Variants in NAT10 observed in about 807,000 individuals in gnomAD.
NAT10 encodes N-acetyltransferase 10.
In NAT10, 109 loss-of-function variants were observed where a neutral mutation model predicts 132.2. That is an observed-to-expected ratio of 0.82 (90% CI 0.71 to 0.97). The LOEUF is 0.97. NAT10 is among the 50% of genes least tolerant of loss of function. NAT10 has a pLI of 0.00. For synonymous variants in NAT10, 479 were observed against 478.0 expected, an observed-to-expected ratio of 1.00 and a Z score of -0.03; for missense variants, 1,184 against 1,263.4, an observed-to-expected ratio of 0.94 and a Z score of 0.95.
intron 23 of NAT10, among the ~76,000 whole-genome samples, chr11:34,140,058 G>C (rs1156912641): frequency 6.6e-6 from 1 of 152,236 alleles, no homozygotes; most frequent in Non-Finnish European, 1.5e-5. Context: ...GCTGGGCAGA[G>C]CTTACACACT....
intron 16 of NAT10, among the ~76,000 whole-genome samples, chr11:34,133,346 G>T (rs901428116): frequency 1.3e-5 from 2 of 152,284 alleles, no homozygotes; most frequent in Admixed American, 1.3e-4. Context: ...CACTGTTGAC[G>T]GACGGGGAAA....
intron 11 of NAT10, among the ~76,000 whole-genome samples, chr11:34,127,234 T>C (rs549481119): frequency 8.5e-4 from 129 of 152,160 alleles, no homozygotes; most frequent in Non-Finnish European, 1.6e-3. Context: ...TGGGATTAAG[T>C]GACTTGTCCA....
chr11:34,118,291 T>G lies in NAT10; in HGVS notation c.669T>G (p.Thr223=). The change falls in exon 7 of 29, where the codon ACT becomes ACG. Residue 223 remains threonine (T), a synonymous_variant. Coordinates refer to ENST00000257829, the MANE Select transcript of NAT10 (RefSeq NM_024662.3). ...VATMEALPPQ[T]PDESLGPSDL... is the part of the protein sequence containing the mutation. ...CCATGGAGGCCCTGCCTCCCCAGAC[T>G]CCGGTGAGTCTGTGCTGGGGTCCAG... 6.2e-7 allele frequency: 1 copy of G among 1,613,724 alleles called. No homozygotes were observed. Among genetic ancestry groups the G allele is most frequent in the Non-Finnish European group, 8.5e-7 (1 of 1,179,642 alleles).
chr11:34,131,389 C>G lies in NAT10; in HGVS notation c.1378C>G (p.Leu460Val). 4.3e-6 allele frequency: 7 copies of G among 1,613,706 alleles called. No homozygotes were observed. Among genetic ancestry groups the G allele is most frequent in the Non-Finnish European group, 5.9e-6 (7 of 1,179,770 alleles). The change falls in exon 14 of 29, where the codon CTG becomes GTG. Residue 460 changes from leucine (L) to valine (V), a missense_variant. By Grantham distance (32) the Leu-to-Val change is conservative (BLOSUM62 1). Coordinates refer to ENST00000257829, the MANE Select transcript of NAT10 (RefSeq NM_024662.3). ...GTGATTGTGGGGAGCAGCGCGGACA[C>G]TGTATGAGGTTTCCCTCCAGGAGTC... ...TTARLASART[L>V]YEVSLQESIR...
intron 12 of NAT10, among the ~76,000 whole-genome samples, chr11:34,129,111 G>A (rs992749042): frequency 8.5e-5 from 13 of 152,058 alleles, no homozygotes; most frequent in African/African-American, 2.7e-4. Flanking sequence ...GAACATTAGC[G>A]TGCAGATTTT....
intron 28 of NAT10, among the ~76,000 whole-genome samples, chr11:34,144,673 C>T (rs1283360153): frequency 6.6e-6 from 1 of 152,194 alleles, no homozygotes; most frequent in Admixed American, 6.5e-5. Flanking sequence ...TCACTCCAAG[C>T]TTCTTATCTG....
chr11:34,127,588 C>T lies in NAT10; in HGVS notation c.1233C>T (p.Ser411=), dbSNP rs764947620. The stretch of plus-strand genomic sequence containing the variant: ...GCCCCTACCTTGTTTTCATGGCATC[C>T]ACCATCAATGGGTAAGGTACTGTGG... ...LLGPYLVFMA[S]TINGYEGTGR... The change falls in exon 12 of 29, where the codon TCC becomes TCT. Residue 411 remains serine, a synonymous_variant. Transcript: ENST00000257829. 4 of 1,612,838 alleles carry T rather than the reference C, an allele frequency of 2.5e-6. No homozygotes were observed. Among genetic ancestry groups the T allele is most frequent in the Non-Finnish European group, 3.4e-6 (4 of 1,179,096 alleles).
chr11:34,123,958 T>C (rs1435886959), intron 10 of NAT10, 103 bp downstream of exon 10: 1 of 875,268 alleles, frequency 1.1e-6, no homozygotes, highest in Non-Finnish European at 1.8e-6. Flanking sequence ...TCACCTGAGG[T>C]CGGGAGTTGG....
At chr11:34,106,526 T>C (rs1224961248) in intron 1 of NAT10, among the ~76,000 whole-genome samples, 4 of 152,146 alleles carry the variant, frequency 2.6e-5, no homozygotes, top group Non-Finnish European at 5.9e-5. Context: ...AAGGGCCTTG[T>C]GGTACTACTT....
Position 34,113,778 on chromosome 11 carries a change from G to A in NAT10, c.435G>A (p.Gly145=). Residue 145 remains glycine (G), a synonymous_variant, in exon 5 of 29, where the codon GGG becomes GGA. Transcript: ENST00000257829. ...CTGTAGAAACAGTGGAAGGTGGTGGGCTAGTGGTCATCCTCCTACGGACCA... is the reference window on the plus strand; with the variant it reads ...CTGTAGAAACAGTGGAAGGTGGTGGACTAGTGGTCATCCTCCTACGGACCA... ...ARTVETVEGG[G]LVVILLRTMN... is the part of the protein sequence containing the mutation. 6.2e-7 allele frequency: 1 copy of A among 1,614,122 alleles called. No homozygotes were observed. The highest frequency in any genetic ancestry group is 1.3e-5 in the African/African-American group (1 of 75,024).
rs754208731 is a variant in NAT10, at chr11:34,139,390, C to T, written c.2314C>T (p.Arg772Ter). The change falls in exon 23 of 29, where the codon CGA becomes TGA. Residue 772 changes from arginine (R) to a stop codon, truncating the protein, a stop_gained. Transcript: ENST00000257829. LOFTEE classifies it high-confidence loss of function. ...GWLAAFWKDF[R>*]RRFLALLSYQ... ...TGCGTGATGGCACCCCACAGATTTC[C>T]GACGGCGGTTCCTAGCCTTGCTCTC... The T allele has an allele frequency of 1.1e-5, 18 of 1,614,000 alleles. No individual in the cohort carries two copies. Among genetic ancestry groups the T allele is most frequent in the African/African-American group, 4.0e-5 (3 of 74,908 alleles).
chr11:34,116,020 C>A, intron 6 of NAT10, 136 bp downstream of exon 6: 3 of 781,472 alleles, frequency 3.8e-6, no homozygotes, highest in Non-Finnish European at 6.1e-6. Flanking sequence ...TTCTTGACAG[C>A]AGCAGCAGTT....
chr11:34,118,194 T>C lies in NAT10; in HGVS notation c.572T>C (p.Leu191Pro). 6.2e-7 allele frequency: 1 copy of C among 1,614,048 alleles called. No homozygotes were observed. Among genetic ancestry groups the C allele is most frequent in the Non-Finnish European group, 8.5e-7 (1 of 1,179,888 alleles). The change falls in exon 7 of 29, where the codon CTG (leucine) becomes CCG (proline). Residue 191 changes from leucine to proline, a missense_variant. Transcript: ENST00000257829. ...GRFNERFILS[L>P]ASCKKCLVID... ...TTGTATCTCAGGTTTATTCTGTCTC[T>C]GGCCTCTTGTAAGAAGTGTCTCGTC...
chr11:34,123,463 A>G (rs925848534), intron 9 of NAT10, among the ~76,000 whole-genome samples: 3 of 152,250 alleles, frequency 2.0e-5, no homozygotes, highest in African/African-American at 7.2e-5. Flanking sequence ...ACAGCTAGTG[A>G]TGAGCATGAA....
Position 34,136,874 on chromosome 11 carries a change from G to A in NAT10, c.2162+99G>A. 4 of 1,611,468 alleles carry A rather than the reference G, an allele frequency of 2.5e-6. No homozygotes were observed. The South Asian group carries it at 4.4e-5, about 18-fold the overall frequency. On this transcript the variant is annotated intron_variant, in intron 20 of 28. Transcript: ENST00000257829. ...CTGTTGGTAGCTGGTATCGGTGCTAGCCTGCTATTTGTGGCGTGCTCTTCC... is the reference window on the plus strand; with the variant it reads ...CTGTTGGTAGCTGGTATCGGTGCTAACCTGCTATTTGTGGCGTGCTCTTCC...
In NAT10 at chr11:34,142,345, C is replaced by G. The variant is rs946315602; in HGVS notation, c.2882C>G (p.Ser961Cys). The change falls in exon 27 of 29, where the codon TCT becomes TGT. Residue 961 changes from serine to cysteine, a missense_variant. Transcript: ENST00000257829. ...EVGKLKSMDL[S>C]EYIIRGDDEE... Reference sequence around the variant, plus strand: ...GGGAAGCTGAAGAGCATGGACCTCTCTGAGTAAGGCTTGTGGGAAGCAGAG... The same window carrying G: ...GGGAAGCTGAAGAGCATGGACCTCTGTGAGTAAGGCTTGTGGGAAGCAGAG... The G allele has an allele frequency of 3.7e-6, 6 of 1,613,954 alleles. No individual in the cohort carries two copies. The highest frequency in any genetic ancestry group is 5.1e-6 in the Non-Finnish European group (6 of 1,179,886).
chr11:34,107,156 C>G (rs547506682), intron 1 of NAT10: 1 of 151,722 alleles, frequency 6.6e-6, no homozygotes, highest in African/African-American at 2.4e-5. Flanking sequence ...GCCTCAGCCT[C>G]TCCTGCAGCT....
intron 19 of NAT10, among the ~76,000 whole-genome samples, chr11:34,135,707 A>T (rs961779538): frequency 6.6e-6 from 1 of 152,178 alleles, no homozygotes; most frequent in Admixed American, 6.5e-5. Context: ...ATGTGCATTC[A>T]TTGATTTTCA....
Position 34,139,463 on chromosome 11 carries a change from A to G in NAT10, c.2387A>G (p.Gln796Arg), listed in dbSNP as rs1590781820. 6.2e-7 allele frequency: 1 copy of G among 1,614,162 alleles called. No homozygotes were observed. Among genetic ancestry groups the G allele is most frequent in the South Asian group, 1.1e-5 (1 of 91,078 alleles). The change falls in exon 23 of 29, where the codon CAG becomes CGG. Residue 796 changes from glutamine (Q) to arginine (R), a missense_variant. Gln to Arg is a conservative substitution (Grantham distance 43). Transcript: ENST00000257829. ...FSPSLALNII[Q>R]NRNMGKPAQP... ...CCTTCCCTGGCTCTGAACATCATTC[A>G]GAACAGGAACATGGGGAAGCCAGCC...
Sources: allele counts gnomAD v4.1 joint callset (sites outside exome capture counted in the v4.1 genomes callset), GRCh38; gene constraint gnomAD v4.1.1; transcripts MANE v1.5; gene names NCBI Gene and HGNC (gene_info 2026-07-23, HGNC 2026-07-21).